The following EEFSEC variants were observed in gnomAD, a reference collection of about 807,000 sequenced individuals.
EEFSEC encodes eukaryotic elongation factor, selenocysteine-tRNA specific, also known as selenocysteine-specific elongation factor.
A neutral mutation model predicts 42.1 loss-of-function variants in EEFSEC; 43 were observed. The observed-to-expected ratio is 1.02, with a 90% CI of 0.80 to 1.32. The LOEUF (loss-of-function observed/expected upper bound fraction) is 1.32, where lower values mean the gene tolerates loss of function less well. Among genes scored for constraint, EEFSEC ranks in the 40% most tolerant of loss-of-function variants. The pLI, the probability that EEFSEC is intolerant of heterozygous loss-of-function variation, is 0.00. For synonymous variants in EEFSEC, 354 were observed against 339.1 expected, an observed-to-expected ratio of 1.04 and a Z score of -0.48; for missense variants, 745 against 803.6, an observed-to-expected ratio of 0.93 and a Z score of 0.88.
At chr3:128,305,677 T>A (rs2066818367) in intron 4 of EEFSEC, among the ~76,000 whole-genome samples, 2 of 152,218 alleles carry the variant, frequency 1.3e-5, no homozygotes, top group Admixed American at 1.3e-4. Flanking sequence ...ATGTAGTAAT[T>A]TTCTTTTTTA....
At chr3:128,296,552 A>G (rs1229804402) in intron 4 of EEFSEC, among the ~76,000 whole-genome samples, 3 of 152,186 alleles carry the variant, frequency 2.0e-5, no homozygotes, top group Non-Finnish European at 2.9e-5. Flanking sequence ...CTTCATGGCC[A>G]TGCACAGACC....
chr3:128,358,409 C>A lies in EEFSEC; in HGVS notation c.1600+36C>A, dbSNP rs199991560. The A allele has an allele frequency of 1.7e-5, 27 of 1,610,440 alleles. No individual in the cohort carries two copies. In the Admixed American group the frequency reaches 3.0e-4, roughly 18 times the overall value. On this transcript the variant is annotated intron_variant, in intron 6 of 6. Transcript: ENST00000254730. The stretch of plus-strand genomic sequence containing the variant: ...CCACTTCCTCCCGGTTTAGGGACAC[C>A]GTGCAGGGCACAGAGAGATGGCAGA...
intron 6 of EEFSEC, among the ~76,000 whole-genome samples, chr3:128,398,352 G>C (rs1310706892): frequency 1.3e-5 from 2 of 152,184 alleles, no homozygotes; most frequent in South Asian, 2.1e-4. Flanking sequence ...CGCCAGTCCC[G>C]AGGCTGGGGC....
At chr3:128,295,789 G>T (rs1278213025) in intron 4 of EEFSEC, among the ~76,000 whole-genome samples, 1 of 151,890 alleles carries the variant, frequency 6.6e-6, no homozygotes, top group Non-Finnish European at 1.5e-5. Context: ...TTTATGTGAG[G>T]GTCTCAGTGG....
At chr3:128,326,772 T>C (rs1451455530) in intron 4 of EEFSEC, among the ~76,000 whole-genome samples, 1 of 152,106 alleles carries the variant, frequency 6.6e-6, no homozygotes, top group Admixed American at 6.5e-5. Context: ...AATAGTTAAG[T>C]TTTAATCACA....
intron 1 of EEFSEC, among the ~76,000 whole-genome samples, chr3:128,243,199 G>A (rs796989996): frequency 1.5e-4 from 23 of 152,340 alleles, no homozygotes; most frequent in African/African-American, 5.3e-4. Context: ...TGCGCTGCAC[G>A]GGGTCCGCTC....
intron 1 of EEFSEC, among the ~76,000 whole-genome samples, chr3:128,178,295 T>C (rs2065371871): frequency 1.3e-5 from 2 of 152,228 alleles, no homozygotes; most frequent in Non-Finnish European, 2.9e-5. Context: ...TTTTTTCTCA[T>C]GAAAATTTCT....
chr3:128,193,192 T>C (rs2065545518), intron 1 of EEFSEC, among the ~76,000 whole-genome samples: 1 of 152,186 alleles, frequency 6.6e-6, no homozygotes, highest in African/African-American at 2.4e-5. Context: ...ATCACTGAAG[T>C]TCCCCTCTCA....
At chr3:128,386,867 G>A (rs909610727) in intron 6 of EEFSEC, among the ~76,000 whole-genome samples, 3 of 152,180 alleles carry the variant, frequency 2.0e-5, no homozygotes, top group Non-Finnish European at 2.9e-5. Flanking sequence ...TGAGGGATCC[G>A]TGCCCATGAT....
At chr3:128,165,872 C>G (rs1304739711) in intron 1 of EEFSEC, among the ~76,000 whole-genome samples, 4 of 152,296 alleles carry the variant, frequency 2.6e-5, no homozygotes, top group African/African-American at 9.6e-5. Context: ...GTGGCTTGTC[C>G]TTGGTCATTT....
intron 4 of EEFSEC, among the ~76,000 whole-genome samples, chr3:128,279,369 C>G (rs982661206): frequency 6.6e-6 from 1 of 152,356 alleles, no homozygotes; most frequent in Middle Eastern, 3.4e-3. Flanking sequence ...TGGCCTCTAC[C>G]CACTAGATGC....
intron 1 of EEFSEC, among the ~76,000 whole-genome samples, chr3:128,178,052 A>G (rs187100736): frequency 2.2e-4 from 33 of 152,378 alleles, no homozygotes; most frequent in African/African-American, 7.0e-4. Flanking sequence ...ATGTTGGTAC[A>G]TGTGCAGAAG....
At chr3:128,420,545 G>T in the EEFSEC span, among the ~76,000 whole-genome samples, 1 of 152,160 alleles carries the variant, frequency 6.6e-6, no homozygotes, top group Non-Finnish European at 1.5e-5. Context: ...CAGTTGGATG[G>T]GACTGAGAGA....
chr3:128,301,244 T>C (rs2066764887), intron 4 of EEFSEC, among the ~76,000 whole-genome samples: 1 of 152,182 alleles, frequency 6.6e-6, no homozygotes, highest in Non-Finnish European at 1.5e-5. Context: ...GTTACATAAC[T>C]GGGAGGCCCC....
intron 1 of EEFSEC, among the ~76,000 whole-genome samples, chr3:128,239,506 C>T (rs1426286058): frequency 6.6e-6 from 1 of 152,186 alleles, no homozygotes; most frequent in Non-Finnish European, 1.5e-5. Context: ...GTGCAGCTGG[C>T]AGAGCGAGAT....
At chr3:128,342,874 G>A (rs1304492400) in intron 5 of EEFSEC, among the ~76,000 whole-genome samples, 1 of 152,250 alleles carries the variant, frequency 6.6e-6, no homozygotes, top group Non-Finnish European at 1.5e-5. Flanking sequence ...TGCTGAGTGG[G>A]AATCCATGCC....
chr3:128,423,288 A>C, the EEFSEC span, among the ~76,000 whole-genome samples: 1 of 152,202 alleles, frequency 6.6e-6, no homozygotes, highest in Non-Finnish European at 1.5e-5. Flanking sequence ...CATGCAATGG[A>C]ATACTATTTG....
In EEFSEC at chr3:128,321,982, G is replaced by T. The variant is rs145665373; in HGVS notation, c.787-19251G>T. 1.7e-3 allele frequency among the ~76,000 whole-genome samples: 262 copies of T among 152,286 alleles called. 1 individual carries two copies. The highest frequency in any genetic ancestry group is 6.2e-3 in the African/African-American group (256 of 41,564). On this transcript the variant is annotated intron_variant, in intron 4 of 6. Transcript: ENST00000254730. ...GGAGAAGCAGTGAGTGAGGGCCAGC[G>T]TGGGGGAGCAGCAGTGCTCGTTCAC...
chr3:128,157,999 T>G (rs183548613), intron 1 of EEFSEC, among the ~76,000 whole-genome samples: 1 of 152,306 alleles, frequency 6.6e-6, no homozygotes, highest in African/African-American at 2.4e-5. Flanking sequence ...CATTTGTGAT[T>G]CATGGGAGGA....
Sources: allele counts gnomAD v4.1 joint callset (sites outside exome capture counted in the v4.1 genomes callset), GRCh38; gene constraint gnomAD v4.1.1; transcripts MANE v1.5; gene names NCBI Gene and HGNC (gene_info 2026-07-23, HGNC 2026-07-21).